MPPED2: variants seen among roughly 807,000 people sequenced by gnomAD.
The protein encoded by MPPED2 is metallophosphoesterase domain containing 2.
Under a neutral mutation model 33.0 loss-of-function variants are expected in MPPED2, and 5 were observed. The ratio of observed to expected loss-of-function variants is 0.15; its 90% CI spans 0.08 to 0.32. The LOEUF (loss-of-function observed/expected upper bound fraction) is 0.32, where lower values mean the gene tolerates loss of function less well. Among genes scored for constraint, MPPED2 ranks in the 10% least tolerant of loss-of-function variants. The probability of loss-of-function intolerance (pLI) is 1.00; values close to 1 mark genes in which losing one functional copy is unlikely to be tolerated. For missense variants in MPPED2, 275 were observed against 372.1 expected, an observed-to-expected ratio of 0.74 and a Z score of 2.15; for synonymous variants, 136 against 141.9, an observed-to-expected ratio of 0.96 and a Z score of 0.29.
At chr11:30,502,505 A>G (rs1440390749) in intron 3 of MPPED2, among the ~76,000 whole-genome samples, 2 of 152,214 alleles carry the variant, frequency 1.3e-5, no homozygotes, top group African/African-American at 4.8e-5. Flanking sequence ...ATGCTACTGC[A>G]GCTGTTGGTA....
intron 3 of MPPED2, among the ~76,000 whole-genome samples, chr11:30,519,284 A>C (rs1352876887): frequency 2.6e-5 from 4 of 152,010 alleles, no homozygotes; most frequent in African/African-American, 2.4e-5. Flanking sequence ...CAAACAAACA[A>C]ACAAAATATA....
intron 3 of MPPED2, among the ~76,000 whole-genome samples, chr11:30,518,036 A>G (rs1036079013): frequency 1.2e-4 from 18 of 152,188 alleles, no homozygotes; most frequent in African/African-American, 4.3e-4. Context: ...TTTTAAAAAA[A>G]CAATTCCCAG....
chr11:30,440,785 A>G lies in MPPED2; in HGVS notation c.537-23152T>C, dbSNP rs551480519. Among the ~76,000 whole-genome samples the G allele has an allele frequency of 2.0e-4, 31 of 152,336 alleles. No individual in the cohort carries two copies. In the East Asian group the frequency reaches 5.8e-3, roughly 28 times the overall value. On this transcript the variant is annotated intron_variant, in intron 4 of 6. Transcript: ENST00000358117. The stretch of plus-strand genomic sequence containing the variant: ...CTGAGGCCTCTCCTTTGACTTCTGC[A>G]TGAGGCATGACTGCTTCTAAGTCCT...
intron 2 of MPPED2, among the ~76,000 whole-genome samples, chr11:30,548,719 T>C (rs7945869): frequency 0.23 from 34,858 of 152,120 alleles, 4,320 homozygotes; most frequent in East Asian, 0.42. Context: ...TGGAGTAATG[T>C]CATTAGACAT....
chr11:30,528,027 T>C (rs1231732126), intron 3 of MPPED2, among the ~76,000 whole-genome samples: 1 of 152,206 alleles, frequency 6.6e-6, no homozygotes, highest in Non-Finnish European at 1.5e-5. Flanking sequence ...TACAAATGAA[T>C]ACATTGAAGA....
At chr11:30,480,493 G>A (rs1951432800) in intron 4 of MPPED2, among the ~76,000 whole-genome samples, 1 of 151,988 alleles carries the variant, frequency 6.6e-6, no homozygotes, top group Non-Finnish European at 1.5e-5. Context: ...GCTAAGTTCT[G>A]TACAAGACAT....
chr11:30,497,830 G>A (rs1952352001), intron 3 of MPPED2, among the ~76,000 whole-genome samples: 1 of 151,990 alleles, frequency 6.6e-6, no homozygotes, highest in Admixed American at 6.6e-5. Context: ...CCACCAAAAT[G>A]AAGAGCCACA....
At chr11:30,559,470 A>T (rs567419353) in intron 2 of MPPED2, among the ~76,000 whole-genome samples, 106 of 152,332 alleles carry the variant, frequency 7.0e-4, no homozygotes, top group African/African-American at 2.5e-3. Flanking sequence ...TTATTGCATG[A>T]ACATGCTTAA....
chr11:30,490,418 T>G (rs1951925187), intron 4 of MPPED2, among the ~76,000 whole-genome samples: 1 of 152,196 alleles, frequency 6.6e-6, no homozygotes, highest in South Asian at 2.1e-4. Context: ...TCTTCCAGAT[T>G]CTTGGAAGAA....
chr11:30,574,484 T>G (rs191495721), intron 2 of MPPED2, among the ~76,000 whole-genome samples: 1 of 152,226 alleles, frequency 6.6e-6, no homozygotes, highest in East Asian at 1.9e-4. Context: ...TTTCTCAGAA[T>G]GTATCCCTGT....
At chr11:30,503,234 C>T (rs1033477123) in intron 3 of MPPED2, among the ~76,000 whole-genome samples, 3 of 152,102 alleles carry the variant, frequency 2.0e-5, no homozygotes, top group Admixed American at 6.6e-5. Context: ...TGAAGAAAGA[C>T]GTGTAGGCTT....
At chr11:30,507,413 T>C (rs1205153343) in intron 3 of MPPED2, among the ~76,000 whole-genome samples, 4 of 152,216 alleles carry the variant, frequency 2.6e-5, no homozygotes, top group African/African-American at 9.6e-5. Context: ...GGATATTACC[T>C]TGCACACACA....
intron 3 of MPPED2, among the ~76,000 whole-genome samples, chr11:30,506,765 C>A (rs536790110): frequency 1.6e-4 from 24 of 152,290 alleles, no homozygotes; most frequent in African/African-American, 5.5e-4. Context: ...CTTAAGCCTG[C>A]AAATAAGAAT....
At chr11:30,540,684 C>T (rs1955054534) in intron 2 of MPPED2, among the ~76,000 whole-genome samples, 1 of 152,114 alleles carries the variant, frequency 6.6e-6, no homozygotes, top group Non-Finnish European at 1.5e-5. Context: ...ACACAACACC[C>T]AGCATATACT....
At chr11:30,565,921 A>G (rs1402323364) in intron 2 of MPPED2, among the ~76,000 whole-genome samples, 1 of 152,210 alleles carries the variant, frequency 6.6e-6, no homozygotes, top group Non-Finnish European at 1.5e-5. Context: ...AACCACTGCC[A>G]TACCAATACT....
chr11:30,423,367 T>G (rs931842789), intron 4 of MPPED2, among the ~76,000 whole-genome samples: 1 of 152,198 alleles, frequency 6.6e-6, no homozygotes, highest in Non-Finnish European at 1.5e-5. Flanking sequence ...AGACTTGGGT[T>G]CTTATTACTA....
intron 4 of MPPED2, among the ~76,000 whole-genome samples, chr11:30,459,080 T>C (rs970673558): frequency 1.3e-5 from 2 of 151,310 alleles, no homozygotes; most frequent in East Asian, 1.9e-4. Flanking sequence ...CGCCCGCCAC[T>C]ACGCCCGGCT....
intron 6 of MPPED2, among the ~76,000 whole-genome samples, chr11:30,395,609 A>G (rs1401582242): frequency 6.6e-6 from 1 of 152,224 alleles, no homozygotes; most frequent in Non-Finnish European, 1.5e-5. Context: ...GTTGAGATGC[A>G]AACATATTCC....
chr11:30,460,634 G>A (rs868828172), intron 4 of MPPED2, among the ~76,000 whole-genome samples: 2 of 151,960 alleles, frequency 1.3e-5, no homozygotes, highest in African/African-American at 2.4e-5. Flanking sequence ...AAAAAATAAA[G>A]ACATTAAATA....
Sources: gnomAD v4.1 joint callset for allele counts (sites outside exome capture counted in the v4.1 genomes callset) on GRCh38, gnomAD v4.1.1 for gene constraint, MANE v1.5 for transcripts, NCBI Gene and HGNC (gene_info 2026-07-23, HGNC 2026-07-21) for gene names.